The following KCTD2 variants were observed in gnomAD, a reference collection of about 807,000 sequenced individuals.
KCTD2 encodes BTB/POZ domain-containing protein KCTD2.
A neutral mutation model predicts 27.9 loss-of-function variants in KCTD2; 18 were observed. The observed-to-expected ratio is 0.64, with a 90% CI of 0.45 to 0.96. The LOEUF (loss-of-function observed/expected upper bound fraction) is 0.96. KCTD2 is among the 40% of genes least tolerant of loss of function. KCTD2 has a pLI of 0.00. For synonymous variants in KCTD2, 175 were observed against 148.4 expected (o/e 1.18, Z -1.30); for missense variants, 280 against 348.0 (o/e 0.80, Z 1.56).
chr17:75,053,689 C>T (rs548899897), intron 3 of KCTD2, among the ~76,000 whole-genome samples: 9 of 151,856 alleles, frequency 5.9e-5, no homozygotes, highest in South Asian at 2.1e-4. Context: ...GTGATCTGCC[C>T]GCCTCAGCCT....
chr17:75,054,337 C>T (rs576554935), intron 3 of KCTD2, among the ~76,000 whole-genome samples: 38 of 152,182 alleles, frequency 2.5e-4, no homozygotes, highest in Admixed American at 7.2e-4. Context: ...AACTCAGATA[C>T]AGTAACAAGA....
At chr17:75,046,892 G>A (rs1012653441), upstream of KCTD2, 5 of 153,882 alleles carry the variant, frequency 3.2e-5, no homozygotes, top group Non-Finnish European at 7.2e-5. Context: ...GAGCCCTCCA[G>A]GGATCGGATC....
At chr17:75,059,718 T>TGGGA in intron 4 of KCTD2, 113 bp downstream of exon 4, 1 of 763,430 alleles carries the variant, frequency 1.3e-6, no homozygotes, top group Non-Finnish European at 2.1e-6. Context: ...TACGGCCAGG[T>TGGGA]GGGATCCTAT....
intron 1 of KCTD2, among the ~76,000 whole-genome samples, chr17:75,033,862 C>T (rs567703692): frequency 6.6e-5 from 10 of 152,364 alleles, no homozygotes; most frequent in Non-Finnish European, 1.3e-4. Context: ...GAAAAGGGGA[C>T]ACTCGCTTAT....
chr17:75,049,065 A>T (rs2073259010), intron 1 of KCTD2, 155 bp from the exon 2 acceptor site: 1 of 536,174 alleles, frequency 1.9e-6, no homozygotes, highest in East Asian at 2.9e-5. Flanking sequence ...GTTTGTGACA[A>T]ATGTGTAACA....
At chr17:75,041,906 G>A (rs751916277) in intron 3 of KCTD2, 6 of 292,452 alleles carry the variant, frequency 2.1e-5, no homozygotes, top group East Asian at 1.2e-4. Context: ...GGGGTGAACC[G>A]GCCCAGGTCA....
intron 3 of KCTD2, chr17:75,040,166 A>G: frequency 6.2e-7 from 1 of 1,611,548 alleles, no homozygotes; most frequent in Non-Finnish European, 8.5e-7. Context: ...GCATTAAACT[A>G]CAAACACAAG....
chr17:75,054,936 G>A (rs142597775), intron 3 of KCTD2, among the ~76,000 whole-genome samples: 332 of 152,214 alleles, frequency 2.2e-3, no homozygotes, highest in Non-Finnish European at 3.6e-3. Context: ...GCTCCACCAT[G>A]ACTACCTGTG....
intron 3 of KCTD2, chr17:75,039,449 A>C: frequency 1.7e-6 from 1 of 593,720 alleles, no homozygotes. Flanking sequence ...CTTAACACTC[A>C]CAGAGAAGCC....
intron 3 of KCTD2, chr17:75,040,507 G>C (rs181850679): frequency 1.7e-5 from 5 of 294,732 alleles, no homozygotes; most frequent in African/African-American, 1.1e-4. Context: ...GAATTGTAAA[G>C]AAATTCTGAT....
In KCTD2 at chr17:75,065,181, TAGAC is replaced by T. The variant is rs577469631; in HGVS notation, c.*2137_*2140del. On this transcript the variant is annotated 3_prime_UTR_variant, in exon 6 of 6. Transcript: ENST00000322444. ...AGGCACAGGCACGTGCTCTGGGAAA[TAGAC>T]AGGAGTGGTATTTCCGCCCTCTCGG... 28 of 152,004 alleles carry T rather than the reference TAGAC, an allele frequency of 1.8e-4. No homozygotes were observed. Among genetic ancestry groups the T allele is most frequent in the Admixed American group, 2.6e-4 (4 of 15,260 alleles). 9.4% of individuals were successfully genotyped at this position (152,004 alleles called of 1,614,324 possible).
At chr17:75,046,098 A>T (rs1321242221), upstream of KCTD2, among the ~76,000 whole-genome samples, 1 of 152,144 alleles carries the variant, frequency 6.6e-6, no homozygotes, top group Non-Finnish European at 1.5e-5. Context: ...TGTGTGTGTG[A>T]GTGAGACGGA....
At position 75,053,979 on chromosome 17, in the gene KCTD2, G is replaced by C. The variant is rs2073322550; in HGVS notation, c.540+874G>C. ...CACCCAGCCTGAACCATGCTTCTAA[G>C]AACATAATATCAAGCTGCTCTTTAT... is the stretch of plus-strand genomic sequence containing the variant. On this transcript the variant is annotated intron_variant, in intron 3 of 5. Transcript: ENST00000322444. 2.1e-5 allele frequency among the ~76,000 whole-genome samples: 3 copies of C among 144,164 alleles called. No individual in the cohort carries two copies. The South Asian group carries it at 6.6e-4, about 32-fold the overall frequency. 94.6% of individuals were successfully genotyped at this position (144,164 alleles called of 152,430 possible).
chr17:75,033,573 G>T (rs972458655), intron 1 of KCTD2, among the ~76,000 whole-genome samples: 1 of 152,006 alleles, frequency 6.6e-6, no homozygotes, highest in African/African-American at 2.4e-5. Context: ...TTTTTTATCA[G>T]TTCTGTAGAG....
chr17:75,033,827 C>T (rs532057146), intron 1 of KCTD2, among the ~76,000 whole-genome samples: 2 of 152,194 alleles, frequency 1.3e-5, no homozygotes, highest in South Asian at 4.1e-4. Flanking sequence ...CTCCATGGAT[C>T]GCGCCTCTGT....
chr17:75,057,298 T>C (rs917288413), intron 3 of KCTD2, among the ~76,000 whole-genome samples: 1 of 151,990 alleles, frequency 6.6e-6, no homozygotes, highest in African/African-American at 2.4e-5. Context: ...TTGATCCTGG[T>C]GCATTTGAGA....
Position 75,062,249 on chromosome 17 carries a change from A to G in KCTD2, c.762+4A>G, listed in dbSNP as rs199722316. 1.8e-4 allele frequency: 288 copies of G among 1,610,416 alleles called. 2 individuals carry two copies. In the African/African-American group the frequency reaches 3.4e-3, roughly 19 times the overall value. ...AGAGCCGAGCGAAAAGGCGAAGGTA[A>G]GGAGCCCCTTCCCTGGGCAGTTGCC... On this transcript the variant is annotated splice_donor_region_variant and intron_variant, in intron 5 of 5. Coordinates refer to ENST00000322444, the MANE Select transcript of KCTD2 (RefSeq NM_015353.3).
At chr17:75,044,067 C>T (rs535108367), upstream of KCTD2, among the ~76,000 whole-genome samples, 4 of 150,644 alleles carry the variant, frequency 2.7e-5, no homozygotes, top group Non-Finnish European at 5.9e-5. Flanking sequence ...CTCTGTCCCC[C>T]GGGCTGGAGT....
At chr17:75,062,363 A>G (rs2073412904) in intron 5 of KCTD2, 118 bp downstream of exon 5, 2 of 960,650 alleles carry the variant, frequency 2.1e-6, no homozygotes, top group Non-Finnish European at 3.0e-6. Context: ...CCAGCGTTGC[A>G]TTTTCCCCTC....
Sources: allele counts gnomAD v4.1 joint callset (sites outside exome capture counted in the v4.1 genomes callset), GRCh38; gene constraint gnomAD v4.1.1; transcripts MANE v1.5; gene names NCBI Gene and HGNC (gene_info 2026-07-23, HGNC 2026-07-21).